The following CRYZL1 variants were observed in gnomAD, a reference collection of about 807,000 sequenced individuals.
CRYZL1 encodes ferry endosomal RAB5 effector complex subunit 4.
In CRYZL1, 34 loss-of-function variants were observed where a neutral mutation model predicts 50.6. That is an observed-to-expected ratio of 0.67 (90% CI 0.51 to 0.89). The LOEUF (loss-of-function observed/expected upper bound fraction) is 0.89, where lower values mean the gene tolerates loss of function less well. Ranked by LOEUF, CRYZL1 falls within the 40% of genes least tolerant of loss-of-function variation. The pLI, the probability that CRYZL1 is intolerant of heterozygous loss-of-function variation, is 0.00. For synonymous variants in CRYZL1, 125 were observed against 134.3 expected, an observed-to-expected ratio of 0.93 and a Z score of 0.48; for missense variants, 354 against 402.3, an observed-to-expected ratio of 0.88 and a Z score of 1.03.
chr21:33,602,278 C>A lies in CRYZL1; in HGVS notation c.533G>T (p.Ser178Ile). ...TTCAAGGCACTGCTTATCTTCAAGG[C>A]TGCATGCTGTTGAAATCACTTTGGC... ...RGAKVISTAC[S>I]LEDKQCLERF... The change falls in exon 8 of 13, where the codon AGC becomes ATC. Residue 178 changes from serine to isoleucine, a missense_variant. Ser to Ile is a moderately radical substitution (Grantham distance 142). Transcript: ENST00000381554. 1 of 1,612,252 alleles carries A rather than the reference C, an allele frequency of 6.2e-7. No individual in the cohort carries two copies. Among genetic ancestry groups the A allele is most frequent in the Admixed American group, 1.7e-5 (1 of 60,000 alleles).
chr21:33,633,504 T>C (rs1310309596), intron 1 of CRYZL1: 1 of 152,386 alleles, frequency 6.6e-6, no homozygotes, highest in Non-Finnish European at 1.5e-5. Context: ...AACCTCCATC[T>C]CCCAGGTTCA....
intron 6 of CRYZL1, among the ~76,000 whole-genome samples, chr21:33,606,084 T>G (rs2086811876): frequency 6.6e-6 from 1 of 152,210 alleles, no homozygotes; most frequent in South Asian, 2.1e-4. Context: ...CACAGTACTT[T>G]ATTCCTTAGG....
intron 3 of CRYZL1, among the ~76,000 whole-genome samples, chr21:33,623,782 G>A (rs537634267): frequency 1.3e-5 from 2 of 152,168 alleles, no homozygotes; most frequent in South Asian, 2.1e-4. Context: ...ACAAAAAAAC[G>A]GAGTAAATGG....
chr21:33,626,514 T>C (rs2087065344), intron 2 of CRYZL1, among the ~76,000 whole-genome samples: 1 of 151,440 alleles, frequency 6.6e-6, no homozygotes, highest in African/African-American at 2.4e-5. Context: ...CTGGCCAACA[T>C]GGTGAAACCC....
At chr21:33,608,800 T>C (rs926618268) in intron 6 of CRYZL1, among the ~76,000 whole-genome samples, 6 of 152,216 alleles carry the variant, frequency 3.9e-5, no homozygotes, top group African/African-American at 9.7e-5. Context: ...AACTTGGCTG[T>C]TGTGAATAGT....
intron 2 of CRYZL1, among the ~76,000 whole-genome samples, chr21:33,629,094 A>C (rs1313473466): frequency 6.6e-6 from 1 of 150,646 alleles, no homozygotes; most frequent in Non-Finnish European, 1.5e-5. Flanking sequence ...AGTCAGACAG[A>C]CATGGTGGCA....
rs749507174 is a variant in CRYZL1 at position 33,603,538 on chromosome 21, C to T, written c.332-1G>A. 1 of 1,613,912 alleles carries T rather than the reference C, an allele frequency of 6.2e-7. No individual in the cohort carries two copies. ...CATGTGACCTTTTCTGGTTTATGAA[C>T]TATCATAAAGAACAAGAAGAAACAA... is the stretch of plus-strand genomic sequence containing the variant. On this transcript the variant is annotated splice_acceptor_variant, in intron 6 of 12. Coordinates refer to ENST00000381554, the MANE Select transcript of CRYZL1 (RefSeq NM_145858.3). LOFTEE classifies it high-confidence loss of function.
At position 33,589,444 on chromosome 21, in the gene CRYZL1, C is replaced by A; in HGVS notation, c.*378G>T. 2 of 315,766 alleles carry A rather than the reference C, an allele frequency of 6.3e-6. No homozygotes were observed. Among genetic ancestry groups the A allele is most frequent in the South Asian group, 9.3e-5 (1 of 10,792 alleles). The allele number at this position is 315,766 out of a possible 1,614,324, so 19.6% of individuals were successfully genotyped here. ...GAAGGTGTTGAGAACGGAGTTGATACAAAATTAATACGTTACTTTGATAGC... is the reference window on the plus strand; with the variant it reads ...GAAGGTGTTGAGAACGGAGTTGATAAAAAATTAATACGTTACTTTGATAGC... On this transcript the variant is annotated 3_prime_UTR_variant, in exon 13 of 13. Coordinates refer to ENST00000381554, the MANE Select transcript of CRYZL1 (RefSeq NM_145858.3).
At chr21:33,625,743 C>G (rs2087054568) in intron 2 of CRYZL1, among the ~76,000 whole-genome samples, 1 of 152,056 alleles carries the variant, frequency 6.6e-6, no homozygotes, top group Admixed American at 6.5e-5. Context: ...CTCAGCCTCC[C>G]AAAGTGCTGG....
chr21:33,638,948 AT>A (rs1336469579), intron 1 of CRYZL1, among the ~76,000 whole-genome samples: 2 of 152,202 alleles, frequency 1.3e-5, no homozygotes, highest in Admixed American at 1.3e-4. Context: ...TTCTCTTCTA[AT>A]TGTGACAATC....
rs183243463 is a variant in CRYZL1, at chr21:33,624,612, C to T, written c.144+71G>A. The T allele has an allele frequency of 7.7e-6, 12 of 1,560,708 alleles. No homozygotes were observed. In the Admixed American group the frequency reaches 8.7e-5, roughly 11 times the overall value. On this transcript the variant is annotated intron_variant, in intron 3 of 12. Transcript: ENST00000381554. Reference sequence around the variant, plus strand: ...TTCTTCACATTGAGAGGTCAGTTATCGTTATATTTATACACTAAATACACT... The same window carrying T: ...TTCTTCACATTGAGAGGTCAGTTATTGTTATATTTATACACTAAATACACT...
intron 3 of CRYZL1, among the ~76,000 whole-genome samples, chr21:33,622,952 C>G (rs940079591): frequency 6.6e-6 from 1 of 150,566 alleles, no homozygotes; most frequent in Non-Finnish European, 1.5e-5. Flanking sequence ...GGGTGTTTTA[C>G]AGTGTTTCTT....
chr21:33,619,170 GT>G (rs781387480), intron 4 of CRYZL1, among the ~76,000 whole-genome samples: 8 of 152,204 alleles, frequency 5.3e-5, no homozygotes, highest in Admixed American at 1.3e-4. Context: ...CAAGAACTCT[GT>G]AAGCCATTCC....
At chr21:33,632,571 A>T (rs556765151) in intron 1 of CRYZL1, among the ~76,000 whole-genome samples, 141 of 151,736 alleles carry the variant, frequency 9.3e-4, no homozygotes, top group Middle Eastern at 3.4e-3. Context: ...ACAGATGGGG[A>T]TTCACCACGT....
chr21:33,611,740 TG>T (rs2086874918), intron 6 of CRYZL1, among the ~76,000 whole-genome samples: 1 of 152,238 alleles, frequency 6.6e-6, no homozygotes, highest in African/African-American at 2.4e-5. Flanking sequence ...GCTGTACCAC[TG>T]GAGTCCTGGT....
chr21:33,612,328 C>A (rs902569881), intron 6 of CRYZL1, among the ~76,000 whole-genome samples: 85 of 151,748 alleles, frequency 5.6e-4, no homozygotes, highest in African/African-American at 1.9e-3. Flanking sequence ...CTCTTGTCAC[C>A]CAGGCTGGAG....
chr21:33,609,356 G>A (rs1403373328), intron 6 of CRYZL1, among the ~76,000 whole-genome samples: 1 of 152,162 alleles, frequency 6.6e-6, no homozygotes, highest in Non-Finnish European at 1.5e-5. Flanking sequence ...CTAGAGTGCA[G>A]TGGCGCAAAT....
At chr21:33,599,076 C>G in intron 9 of CRYZL1, 74 bp downstream of exon 9, 1 of 1,368,722 alleles carries the variant, frequency 7.3e-7, no homozygotes. Flanking sequence ...TAATTATGCC[C>G]TGGTTAAATT....
At chr21:33,623,035 G>A (rs1394274739) in intron 3 of CRYZL1, among the ~76,000 whole-genome samples, 1 of 148,604 alleles carries the variant, frequency 6.7e-6, no homozygotes, top group Admixed American at 6.8e-5. Context: ...GTGTGATCTC[G>A]GCTCACTGCA....
Sources: allele counts gnomAD v4.1 joint callset (sites outside exome capture counted in the v4.1 genomes callset), GRCh38; gene constraint gnomAD v4.1.1; transcripts MANE v1.5; gene names NCBI Gene and HGNC (gene_info 2026-07-23, HGNC 2026-07-21).